Variants in USP34 observed in about 807,000 individuals in gnomAD.
USP34 encodes ubiquitin specific peptidase 34.
A neutral mutation model predicts 460.3 loss-of-function variants in USP34; 70 were observed. The observed-to-expected ratio is 0.15, with a 90% CI of 0.13 to 0.19. The LOEUF is 0.19. Ranked by LOEUF, USP34 falls within the 10% of genes least tolerant of loss-of-function variation. The pLI is 1.00. For synonymous variants in USP34, 1,647 were observed against 1,405.3 expected, an observed-to-expected ratio of 1.17 and a Z score of -3.85; for missense variants, 3,985 against 4,236.2, an observed-to-expected ratio of 0.94 and a Z score of 1.65.
At chr2:61,297,910 T>C (rs1263771826) in intron 29 of USP34, among the ~76,000 whole-genome samples, 2 of 152,168 alleles carry the variant, frequency 1.3e-5, no homozygotes, top group African/African-American at 2.4e-5. Context: ...ACAAGCTTGA[T>C]GAACAAAGAG....
intron 41 of USP34, among the ~76,000 whole-genome samples, chr2:61,270,305 A>C (rs987352495): frequency 1.3e-5 from 2 of 152,216 alleles, no homozygotes; most frequent in African/African-American, 4.8e-5. Context: ...GGCCTTCACA[A>C]GACTCCGTGA....
chr2:61,443,289 A>G (rs1260140523), intron 1 of USP34, among the ~76,000 whole-genome samples: 3 of 152,184 alleles, frequency 2.0e-5, no homozygotes, highest in Non-Finnish European at 4.4e-5. Flanking sequence ...AAGAGGCCAC[A>G]GAAGGTTCCC....
intron 13 of USP34, 146 bp from the exon 14 acceptor site, chr2:61,349,032 T>C (rs1691857990): frequency 1.8e-6 from 2 of 1,124,450 alleles, no homozygotes; most frequent in Non-Finnish European, 2.4e-6. Context: ...TGTTAACATT[T>C]GCTCATGATT....
In USP34 at chr2:61,206,958, G is replaced by A. The variant is rs375745836; in HGVS notation, c.8920-72C>T. The A allele has an allele frequency of 8.2e-4, 1,226 of 1,490,912 alleles. 16 individuals are homozygous for A. In the South Asian group the frequency reaches 0.014, roughly 17 times the overall value. The allele number at this position is 1,490,912 out of a possible 1,614,324, so 92.4% of individuals were successfully genotyped here. ...ACTGAGCCACAAAATGGTAGTACTC[G>A]TCCTCTACGATAGATGTTTTCAGAC... On this transcript the variant is annotated intron_variant, in intron 70 of 79. Coordinates refer to ENST00000398571, the MANE Select transcript of USP34 (RefSeq NM_014709.4).
At chr2:61,443,294 G>C (rs544174084) in intron 1 of USP34, among the ~76,000 whole-genome samples, 47 of 151,720 alleles carry the variant, frequency 3.1e-4, no homozygotes, top group African/African-American at 1.0e-3. Flanking sequence ...GCCACAGAAG[G>C]TTCCCAATGC....
chr2:61,189,259 G>A, intron 78 of USP34, 190 bp from the exon 79 acceptor site: 1 of 427,678 alleles, frequency 2.3e-6, no homozygotes. Context: ...TTCATTAGTT[G>A]TTTTTTTTTT....
At chr2:61,343,760 T>G (rs1572952388) in intron 16 of USP34, 55 bp downstream of exon 16, 2 of 1,553,554 alleles carry the variant, frequency 1.3e-6, no homozygotes, top group Non-Finnish European at 1.8e-6. Context: ...CAAAGTAAGA[T>G]AAATTATTCC....
At chr2:61,204,450 G>T in intron 73 of USP34, 47 bp downstream of exon 73, 2 of 1,612,262 alleles carry the variant, frequency 1.2e-6, no homozygotes, top group Non-Finnish European at 1.7e-6. Flanking sequence ...TGTGCAGAAC[G>T]ATTAAATGCG....
At chr2:61,439,440 G>C (rs188468580) in intron 1 of USP34, among the ~76,000 whole-genome samples, 1 of 152,094 alleles carries the variant, frequency 6.6e-6, no homozygotes, top group African/African-American at 2.4e-5. Context: ...CATTCTGTCC[G>C]GCCATCCTGT....
chr2:61,217,462 C>T (rs1180430936), intron 67 of USP34, among the ~76,000 whole-genome samples: 1 of 152,130 alleles, frequency 6.6e-6, no homozygotes, highest in Non-Finnish European at 1.5e-5. Context: ...TAATTCTATT[C>T]AAATATTTGG....
At chr2:61,366,698 T>C (rs1048772369) in intron 10 of USP34, among the ~76,000 whole-genome samples, 11 of 151,964 alleles carry the variant, frequency 7.2e-5, no homozygotes, top group African/African-American at 2.2e-4. Flanking sequence ...ACAGCACTAA[T>C]AGAAAAATAT....
At chr2:61,243,295 C>T (rs1383667688) in intron 51 of USP34, among the ~76,000 whole-genome samples, 3 of 151,960 alleles carry the variant, frequency 2.0e-5, no homozygotes, top group Admixed American at 1.3e-4. Context: ...TACAGGCACC[C>T]GCCACCACGC....
intron 27 of USP34, among the ~76,000 whole-genome samples, chr2:61,310,033 A>T (rs1690539384): frequency 6.6e-6 from 1 of 152,202 alleles, no homozygotes; most frequent in African/African-American, 2.4e-5. Context: ...GACTATAAAG[A>T]ACACTAAAAA....
intron 15 of USP34, among the ~76,000 whole-genome samples, chr2:61,344,938 G>A (rs565614619): frequency 4.1e-4 from 62 of 152,136 alleles, no homozygotes; most frequent in African/African-American, 1.4e-3. Context: ...CAATGCACAG[G>A]GCAACATTAG....
chr2:61,369,045 A>G (rs2694642), intron 10 of USP34, among the ~76,000 whole-genome samples: 49,767 of 152,100 alleles, frequency 0.33, 8,342 homozygotes, highest in Non-Finnish European at 0.38. Flanking sequence ...AAAGCAACAA[A>G]ATGGCTCTTA....
chr2:61,336,425 C>T (rs1572945381), intron 18 of USP34, among the ~76,000 whole-genome samples: 1 of 151,680 alleles, frequency 6.6e-6, no homozygotes, highest in South Asian at 2.1e-4. Context: ...TGTACCTGGT[C>T]CCTTTTGGAT....
chr2:61,451,984 G>A (rs1430206807), intron 1 of USP34, among the ~76,000 whole-genome samples: 3 of 151,664 alleles, frequency 2.0e-5, no homozygotes, highest in Non-Finnish European at 2.9e-5. Flanking sequence ...GACCATCCTG[G>A]CTAACACGGT....
chr2:61,244,523 G>A (rs1391495159), intron 51 of USP34, among the ~76,000 whole-genome samples: 10 of 151,518 alleles, frequency 6.6e-5, no homozygotes. Flanking sequence ...GCTGAGACTC[G>A]AGAATAGCTG....
chr2:61,232,869 C>A (rs904830588), intron 57 of USP34, among the ~76,000 whole-genome samples: 5 of 113,880 alleles, frequency 4.4e-5, no homozygotes, highest in Non-Finnish European at 7.2e-5. Context: ...TTCCCCCCCC[C>A]CTTTTTTTTT....
Sources: gnomAD v4.1 joint callset for allele counts (sites outside exome capture counted in the v4.1 genomes callset) on GRCh38, gnomAD v4.1.1 for gene constraint, MANE v1.5 for transcripts, NCBI Gene and HGNC (gene_info 2026-07-23, HGNC 2026-07-21) for gene names.